NME9: variants seen among roughly 807,000 people sequenced by gnomAD.
NME9 encodes the protein thioredoxin domain-containing protein 6.
A neutral mutation model predicts 44.4 loss-of-function variants in NME9; 48 were observed. The observed-to-expected ratio is 1.08, with a 90% CI of 0.86 to 1.37. The LOEUF is 1.37. Ranked by LOEUF, NME9 falls within the 40% of genes most tolerant of loss-of-function variation. NME9 has a pLI of 0.00. For missense variants in NME9, 325 were observed against 405.2 expected (o/e 0.80, Z 1.70); for synonymous variants, 139 against 147.1 (o/e 0.94, Z 0.40).
chr3:138,265,122 C>A (rs2048153530), intron 8 of NME9, among the ~76,000 whole-genome samples: 1 of 152,008 alleles, frequency 6.6e-6, no homozygotes, highest in Non-Finnish European at 1.5e-5. Context: ...GTTTTAAACT[C>A]CTGAGCTCAA....
At chr3:138,311,704 A>G (rs940020972) in intron 6 of NME9, among the ~76,000 whole-genome samples, 7 of 152,246 alleles carry the variant, frequency 4.6e-5, no homozygotes, top group African/African-American at 1.7e-4. Context: ...TTATGATAAA[A>G]AACCTTCAAA....
chr3:138,263,602 A>G (rs2047971803), intron 8 of NME9: 2 of 776,588 alleles, frequency 2.6e-6, no homozygotes, highest in Non-Finnish European at 4.5e-6. Context: ...CCAGCGCAAG[A>G]TGATTGTTTG....
intron 8 of NME9, among the ~76,000 whole-genome samples, chr3:138,288,423 AT>A (rs1453801097): frequency 6.6e-6 from 1 of 152,208 alleles, no homozygotes; most frequent in African/African-American, 2.4e-5. Flanking sequence ...TGAATCATAA[AT>A]TGCAAACTGT....
chr3:138,317,666 A>C (rs1285500317), intron 4 of NME9, among the ~76,000 whole-genome samples: 1 of 152,222 alleles, frequency 6.6e-6, no homozygotes, highest in Admixed American at 6.5e-5. Context: ...TGTCTGCCCC[A>C]TAAAGGAGTA....
At chr3:138,288,403 G>A (rs997069483) in intron 8 of NME9, among the ~76,000 whole-genome samples, 13 of 152,182 alleles carry the variant, frequency 8.5e-5, no homozygotes, top group Non-Finnish European at 4.4e-5. Flanking sequence ...GTGTTTCCTC[G>A]TGCATGGATT....
At chr3:138,291,441 C>A (rs1001297043) in intron 8 of NME9, among the ~76,000 whole-genome samples, 2 of 152,236 alleles carry the variant, frequency 1.3e-5, no homozygotes, top group Admixed American at 6.5e-5. Flanking sequence ...CCCATTCATT[C>A]ATCAGATATC....
intron 8 of NME9, chr3:138,289,221 T>A: frequency 2.3e-6 from 2 of 876,400 alleles, no homozygotes; most frequent in Non-Finnish European, 3.6e-6. Context: ...GAGGCTCTGT[T>A]CTTGGACCAT....
At chr3:138,314,455 A>T (rs746614131) in intron 5 of NME9, 48 bp from the exon 6 acceptor site, 1 of 1,095,542 alleles carries the variant, frequency 9.1e-7, no homozygotes. Flanking sequence ...AATTAACATT[A>T]CCACTAAGAC....
chr3:138,273,204 C>G, intron 8 of NME9: 1 of 1,342,884 alleles, frequency 7.4e-7, no homozygotes, highest in Non-Finnish European at 1.0e-6. Context: ...TCATTAACAT[C>G]TGCCCATGAG....
chr3:138,295,091 G>T (rs909938652), intron 8 of NME9, among the ~76,000 whole-genome samples: 1 of 151,962 alleles, frequency 6.6e-6, no homozygotes, highest in African/African-American at 2.4e-5. Context: ...TAGAAACAGG[G>T]TTTCACCGTG....
chr3:138,308,063 G>A (rs1040555477), intron 6 of NME9, among the ~76,000 whole-genome samples: 1 of 152,136 alleles, frequency 6.6e-6, no homozygotes, highest in Non-Finnish European at 1.5e-5. Flanking sequence ...GGTAAGGGCG[G>A]TATCTTAGAT....
chr3:138,296,551 GAAAA>G (rs201583111), downstream of NME9: 18 of 149,706 alleles, frequency 1.2e-4, no homozygotes, highest in African/African-American at 4.4e-4. Flanking sequence ...TAAAAAAAAA[GAAAA>G]AAAAAGAAAA....
At chr3:138,318,313 A>G (rs759329187) in intron 3 of NME9, 94 bp from the exon 4 acceptor site, 69 of 806,002 alleles carry the variant, frequency 8.6e-5, no homozygotes, top group Non-Finnish European at 1.3e-4. Flanking sequence ...GAACACCCCC[A>G]GGACTGACTT....
At chr3:138,296,179 C>T, downstream of NME9, 1 of 333,392 alleles carries the variant, frequency 3.0e-6, no homozygotes, top group Non-Finnish European at 5.5e-6. Context: ...ACAATTTTTG[C>T]CTATGCTGCA....
Position 138,262,524 on chromosome 3 carries a change from T to C in NME9, c.*16A>G. On this transcript the variant is annotated 3_prime_UTR_variant, in exon 9 of 9. Coordinates refer to the NME9 transcript ENST00000317876. ...CTCTCTCATGTTCTAAGGTCAGACT[T>C]CTGAATCCTCTCATTTTAGTCTAGG... 1.9e-6 allele frequency: 3 copies of C among 1,612,766 alleles called. 1 individual carries two copies. In the South Asian group the frequency reaches 3.3e-5, roughly 18 times the overall value.
At chr3:138,323,293 G>A (rs569749269) in intron 2 of NME9, among the ~76,000 whole-genome samples, 2 of 152,318 alleles carry the variant, frequency 1.3e-5, no homozygotes, top group East Asian at 3.9e-4. Context: ...GAATGTGCCT[G>A]TAATCCCAGC....
At position 138,289,003 on chromosome 3, in the gene NME9, A is replaced by G. The variant is rs566428307; in HGVS notation, c.745+14504T>C. ...TCCCCCCAAAAAAAAATCTAAAATG[A>G]GATTACCACCATTTTGATTTTTTTT... On this transcript the variant is annotated intron_variant, in intron 8 of 8. Transcript: ENST00000317876. 85 of 1,516,552 alleles carry G rather than the reference A, an allele frequency of 5.6e-5. No homozygotes were observed. In the East Asian group the frequency reaches 1.9e-3, roughly 33 times the overall value. 93.9% of individuals were successfully genotyped at this position (1,516,552 alleles called of 1,614,324 possible).
intron 8 of NME9, among the ~76,000 whole-genome samples, chr3:138,278,367 A>T (rs1177998091): frequency 6.6e-6 from 1 of 151,988 alleles, no homozygotes; most frequent in Non-Finnish European, 1.5e-5. Context: ...TTAGCCAGGT[A>T]TGGTCACGCA....
intron 8 of NME9, chr3:138,263,468 T>C (rs552737015): frequency 5.3e-4 from 238 of 452,192 alleles, no homozygotes; most frequent in Admixed American, 5.8e-4. Flanking sequence ...GCAGTACTTA[T>C]ACCATTTAAT....
Sources: gnomAD v4.1 joint callset for allele counts (sites outside exome capture counted in the v4.1 genomes callset) on GRCh38, gnomAD v4.1.1 for gene constraint, MANE v1.5 for transcripts, NCBI Gene and HGNC (gene_info 2026-07-23, HGNC 2026-07-21) for gene names.